TSPEAR: variants seen among roughly 807,000 people sequenced by gnomAD.
The protein encoded by TSPEAR is thrombospondin type laminin G domain and EAR repeats.
A neutral mutation model predicts 71.6 loss-of-function variants in TSPEAR; 69 were observed. The observed-to-expected ratio is 0.96, with a 90% CI of 0.79 to 1.18. TSPEAR has a LOEUF of 1.18. TSPEAR is among the 50% of genes most tolerant of loss of function. The probability of loss-of-function intolerance (pLI) is 0.00; values close to 1 mark genes in which losing one functional copy is unlikely to be tolerated. For synonymous variants in TSPEAR, 402 were observed against 387.2 expected (o/e 1.04, Z -0.45); for missense variants, 971 against 894.9 (o/e 1.09, Z -1.09).
intron 1 of TSPEAR, among the ~76,000 whole-genome samples, chr21:44,674,615 G>C (rs964894278): frequency 2.0e-5 from 3 of 152,104 alleles, no homozygotes; most frequent in East Asian, 3.9e-4. Context: ...TGCTGAGAAG[G>C]CTGAGGTGGG....
At chr21:44,594,852 T>C (rs1433734779) in intron 1 of TSPEAR, among the ~76,000 whole-genome samples, 8 of 138,544 alleles carry the variant, frequency 5.8e-5, no homozygotes, top group African/African-American at 2.4e-4. Flanking sequence ...AGATGCAGTC[T>C]CACTCTGTTG....
chr21:44,516,524 G>A (rs1417391467), intron 9 of TSPEAR: 1 of 152,250 alleles, frequency 6.6e-6, no homozygotes, highest in African/African-American at 2.4e-5. Context: ...AAGCAGCCTG[G>A]GTTGTACCTC....
In TSPEAR at chr21:44,623,027, C is replaced by T. The variant is rs781844017; in HGVS notation, c.83-55022G>A. Among the ~76,000 whole-genome samples, 1 of 152,204 alleles carries T rather than the reference C, an allele frequency of 6.6e-6. No individual in the cohort carries two copies. Among genetic ancestry groups the T allele is most frequent in the Non-Finnish European group, 1.5e-5 (1 of 68,044 alleles). ...ATGTGACATGCCCACTCCCCCTTCA[C>T]CTTCCACCATGAGCAAAGCCCCCTG... On this transcript the variant is annotated intron_variant, in intron 1 of 11. Coordinates refer to ENST00000323084, the MANE Select transcript of TSPEAR (RefSeq NM_144991.3). This position sits in a 1 kb window ranked among gnomAD's most constrained non-coding sequence, Gnocchi z 4.5.
At chr21:44,669,508 A>G (rs1985954676) in intron 1 of TSPEAR, among the ~76,000 whole-genome samples, 2 of 152,220 alleles carry the variant, frequency 1.3e-5, no homozygotes, top group South Asian at 2.1e-4. Flanking sequence ...ACCCCTCAGC[A>G]TCAAGGGGGC....
intron 1 of TSPEAR, among the ~76,000 whole-genome samples, chr21:44,590,237 G>A (rs1012942339): frequency 9.8e-5 from 15 of 152,368 alleles, no homozygotes; most frequent in Middle Eastern, 3.4e-3. Context: ...ACAGCGACCT[G>A]GCAGAAAGAG....
chr21:44,510,752 G>A (rs2838575), intron 9 of TSPEAR: 30,462 of 152,334 alleles, frequency 0.2, 3,407 homozygotes, highest in Admixed American at 0.26. Context: ...GTGGGCACCA[G>A]GCAAGGTCCC....
At chr21:44,589,071 G>C (rs111243503) in intron 1 of TSPEAR, among the ~76,000 whole-genome samples, 1,691 of 152,080 alleles carry the variant, frequency 0.011, 36 homozygotes, top group African/African-American at 0.029. Context: ...CGAATGATGG[G>C]TGCACCAAAA....
At position 44,689,712 on chromosome 21, in the gene TSPEAR, A is replaced by AATATATATATATATATATAT. The variant is rs71199618; in HGVS notation, c.82+21701_82+21720dup. On this transcript the variant is annotated intron_variant, in intron 1 of 11. Transcript: ENST00000323084. ...TCCCTTAGAGGGACAGAATAGAATG[A>AATATATATATATATATATAT]ATATATATATATATATATATATATA... Among the ~76,000 whole-genome samples, 75 of 62,032 alleles carry AATATATATATATATATATAT rather than the reference A, an allele frequency of 1.2e-3. 3 individuals carry two copies. Among genetic ancestry groups the AATATATATATATATATATAT allele is most frequent in the African/African-American group, 5.3e-3 (66 of 12,440 alleles). The allele number at this position is 62,032 out of a possible 152,430, so 40.7% of individuals were successfully genotyped here.
At chr21:44,639,776 C>T (rs1250441509) in intron 1 of TSPEAR, among the ~76,000 whole-genome samples, 2 of 152,156 alleles carry the variant, frequency 1.3e-5, no homozygotes, top group African/African-American at 4.8e-5. Context: ...GGGCCCGGGG[C>T]TGGCTCTCTG....
intron 2 of TSPEAR, among the ~76,000 whole-genome samples, chr21:44,549,823 G>T (rs1485056848): frequency 6.6e-6 from 1 of 152,226 alleles, no homozygotes; most frequent in Non-Finnish European, 1.5e-5. Flanking sequence ...ACCCAGCCCA[G>T]CACACGGAGC....
intron 1 of TSPEAR, among the ~76,000 whole-genome samples, chr21:44,610,737 ACT>A (rs1251572991): frequency 6.6e-6 from 1 of 152,072 alleles, no homozygotes; most frequent in African/African-American, 2.4e-5. Flanking sequence ...AGCTGCTGAC[ACT>A]CAACACCAGC....
intron 1 of TSPEAR, among the ~76,000 whole-genome samples, chr21:44,573,101 G>A (rs1555922886): frequency 1.3e-5 from 2 of 152,128 alleles, no homozygotes; most frequent in Non-Finnish European, 2.9e-5. Context: ...TGTGTGACCA[G>A]CCAGTTTGTG....
rs781959303 is a variant in TSPEAR at position 44,521,868 on chromosome 21, T to C, written c.1566+15A>G. The C allele has an allele frequency of 3.1e-6, 5 of 1,610,346 alleles. No homozygotes were observed. Among genetic ancestry groups the C allele is most frequent in the Non-Finnish European group, 4.2e-6 (5 of 1,177,750 alleles). ...GCCAGCAATGGAGAGCCGGGGCTCA[T>C]GCGGGGGGCCTTACCGGGAAGGACT... On this transcript the variant is annotated intron_variant, in intron 9 of 11. Transcript: ENST00000323084.
intron 11 of TSPEAR, among the ~76,000 whole-genome samples, chr21:44,503,729 A>G (rs1365095367): frequency 1.7e-5 from 2 of 115,820 alleles, no homozygotes; most frequent in African/African-American, 7.3e-5. Context: ...GCGGGAAGCA[A>G]GGCTCTGGGA....
At chr21:44,547,415 T>C (rs2053319090) in intron 2 of TSPEAR, among the ~76,000 whole-genome samples, 1 of 152,198 alleles carries the variant, frequency 6.6e-6, no homozygotes, top group Admixed American at 6.5e-5. Flanking sequence ...CATTAATTGC[T>C]TTCCCCCCAT....
intron 1 of TSPEAR, chr21:44,627,132 C>T (rs782719304): frequency 6.3e-7 from 1 of 1,596,006 alleles, no homozygotes; most frequent in Non-Finnish European, 8.5e-7. Context: ...CTCACACACT[C>T]ACTTACACCT....
chr21:44,600,852 C>A (rs782489979), intron 1 of TSPEAR: 9 of 1,609,582 alleles, frequency 5.6e-6, no homozygotes, highest in Non-Finnish European at 6.8e-6. Context: ...CCAGCCCCTG[C>A]CAATCAGGCT....
At chr21:44,589,857 G>A (rs1979640954) in intron 1 of TSPEAR, among the ~76,000 whole-genome samples, 1 of 152,254 alleles carries the variant, frequency 6.6e-6, no homozygotes, top group South Asian at 2.1e-4. Flanking sequence ...CATGTGTGGG[G>A]AGCCCCTCCC....
At chr21:44,617,258 G>A (rs1406377066) in intron 1 of TSPEAR, among the ~76,000 whole-genome samples, 4 of 152,364 alleles carry the variant, frequency 2.6e-5, no homozygotes, top group South Asian at 4.1e-4. Flanking sequence ...CTGTCCCAGC[G>A]CTCAGGGAGT....
Sources: allele counts gnomAD v4.1 joint callset (sites outside exome capture counted in the v4.1 genomes callset), GRCh38; gene constraint gnomAD v4.1.1; non-coding constraint Gnocchi (gnomAD v3.1); transcripts MANE v1.5; gene names NCBI Gene and HGNC (gene_info 2026-07-23, HGNC 2026-07-21).